Variants in SND1 observed in about 807,000 individuals in gnomAD.
SND1 encodes the protein staphylococcal nuclease domain-containing protein 1.
In SND1, 38 loss-of-function variants were observed where a neutral mutation model predicts 121.7. That is an observed-to-expected ratio of 0.31 (90% confidence interval 0.24 to 0.41). The LOEUF (loss-of-function observed/expected upper bound fraction) is 0.41. Ranked by LOEUF, SND1 falls within the 10% of genes least tolerant of loss-of-function variation. SND1 has a pLI of 1.00. For missense variants in SND1, 868 were observed against 1,184.6 expected (o/e 0.73, Z 3.92); for synonymous variants, 401 against 447.4 (o/e 0.90, Z 1.31).
intron 16 of SND1, among the ~76,000 whole-genome samples, chr7:128,060,968 G>A (rs1793221267): frequency 6.6e-6 from 1 of 152,190 alleles, no homozygotes; most frequent in African/African-American, 2.4e-5. Context: ...GGAAAGCAGT[G>A]CATGTATCAG....
chr7:127,745,612 G>A (rs1199602739), intron 10 of SND1, among the ~76,000 whole-genome samples: 1 of 152,180 alleles, frequency 6.6e-6, no homozygotes. Flanking sequence ...GAGACACCTT[G>A]TTAGCACCAG....
chr7:127,707,048 T>C (rs1042267757), intron 8 of SND1, among the ~76,000 whole-genome samples: 1 of 152,252 alleles, frequency 6.6e-6, no homozygotes, highest in Non-Finnish European at 1.5e-5. Flanking sequence ...AATTTCTGGC[T>C]ACATAGGTTT....
chr7:127,690,268 A>C (rs1795890855), intron 2 of SND1, among the ~76,000 whole-genome samples: 1 of 152,198 alleles, frequency 6.6e-6, no homozygotes. Context: ...TAAATGCCTT[A>C]GCCTGGGTTA....
chr7:127,755,727 C>T (rs1410348695), intron 10 of SND1, among the ~76,000 whole-genome samples: 4 of 152,192 alleles, frequency 2.6e-5, no homozygotes, highest in African/African-American at 9.7e-5. Flanking sequence ...CGGAAGCTGC[C>T]GGTTTCAGAC....
intron 16 of SND1, among the ~76,000 whole-genome samples, chr7:128,008,926 A>G (rs1370567913): frequency 6.6e-6 from 1 of 152,184 alleles, no homozygotes; most frequent in African/African-American, 2.4e-5. Flanking sequence ...TGAGGGCTAT[A>G]TTTAGTCCTG....
chr7:127,690,493 A>C (rs1795894312), intron 2 of SND1, among the ~76,000 whole-genome samples: 1 of 152,122 alleles, frequency 6.6e-6, no homozygotes, highest in Non-Finnish European at 1.5e-5. Flanking sequence ...TTAAGAAATC[A>C]CACCTGACAT....
chr7:127,935,380 A>G (rs1316786020), intron 15 of SND1, among the ~76,000 whole-genome samples: 1 of 152,242 alleles, frequency 6.6e-6, no homozygotes, highest in African/African-American at 2.4e-5. Context: ...TATTGTTTTC[A>G]TAATATAAAT....
intron 13 of SND1, among the ~76,000 whole-genome samples, chr7:127,890,810 A>G (rs921448193): frequency 1.3e-5 from 2 of 152,182 alleles, no homozygotes; most frequent in Admixed American, 1.3e-4. Context: ...TGCAGAAGTA[A>G]TGTAACAAGA....
chr7:127,867,326 A>C (rs1194787654), intron 12 of SND1, among the ~76,000 whole-genome samples: 1 of 152,068 alleles, frequency 6.6e-6, no homozygotes, highest in Non-Finnish European at 1.5e-5. Context: ...TTCCTTCTAC[A>C]ACTCTGATAA....
rs921515002 is a variant in SND1 at position 127,749,148 on chromosome 7, G to A, written c.1152+27748G>A. Among the ~76,000 whole-genome samples the A allele has an allele frequency of 4.1e-5, 6 of 147,304 alleles. No individual in the cohort carries two copies. In the South Asian group the frequency reaches 1.1e-3, roughly 26 times the overall value. On this transcript the variant is annotated intron_variant, in intron 10 of 23. Transcript: ENST00000354725. ...TCCCAGGCCCAGGTGATCTTTCTGC[G>A]TCAGCCTCCCAACTAGCTGGGATTA...
At chr7:127,774,740 G>A (rs987280699) in intron 10 of SND1, among the ~76,000 whole-genome samples, 1 of 151,878 alleles carries the variant, frequency 6.6e-6, no homozygotes, top group Non-Finnish European at 1.5e-5. Flanking sequence ...CACCATGCCC[G>A]GCTAATTTTT....
At chr7:128,083,874 A>C (rs553923762) in intron 18 of SND1, among the ~76,000 whole-genome samples, 3 of 152,280 alleles carry the variant, frequency 2.0e-5, no homozygotes, top group South Asian at 4.1e-4. Flanking sequence ...GGGTGGGAGA[A>C]TTCTACAAGG....
chr7:127,660,325 G>A (rs1431039130), intron 1 of SND1, among the ~76,000 whole-genome samples: 1 of 152,142 alleles, frequency 6.6e-6, no homozygotes, highest in East Asian at 1.9e-4. Flanking sequence ...GGAGAGAGGA[G>A]GCAACTTAGG....
At chr7:127,949,299 A>G (rs1044109544) in intron 15 of SND1, 3 of 152,234 alleles carry the variant, frequency 2.0e-5, no homozygotes, top group African/African-American at 7.2e-5. Context: ...CCTTAAGAAA[A>G]AAGTAAAATA....
intron 9 of SND1, among the ~76,000 whole-genome samples, chr7:127,710,590 A>C (rs1028451488): frequency 2.0e-5 from 3 of 152,310 alleles, no homozygotes; most frequent in Non-Finnish European, 4.4e-5. Flanking sequence ...TTAAGTTTGC[A>C]CATTTTTATT....
At chr7:127,775,983 T>C (rs77525427) in intron 10 of SND1, among the ~76,000 whole-genome samples, 2,689 of 152,324 alleles carry the variant, frequency 0.018, 51 homozygotes, top group Middle Eastern at 0.034. Flanking sequence ...CCCAGATCTT[T>C]CACACATCAT....
rs3757784 is a variant in SND1, at chr7:127,728,540, C to T, written c.1152+7140C>T. Among the ~76,000 whole-genome samples the T allele has an allele frequency of 2.2e-4, 33 of 152,288 alleles. No homozygotes were observed. The East Asian group carries it at 4.6e-3, about 21-fold the overall frequency. ...TCCTTGACCTAGTTCTTGAAGGCCC[C>T]TTTAGGCCAGAGACTTCCATACACA... On this transcript the variant is annotated intron_variant, in intron 10 of 23. Transcript: ENST00000354725.
chr7:127,704,709 TG>T (rs1381941155), intron 7 of SND1, 129 bp from the exon 8 acceptor site: 1 of 760,400 alleles, frequency 1.3e-6, no homozygotes, highest in African/African-American at 1.7e-5. Flanking sequence ...GCTACTCTAC[TG>T]TAAACAAACA....
At chr7:128,012,910 C>A (rs1269372553) in intron 16 of SND1, among the ~76,000 whole-genome samples, 2 of 152,206 alleles carry the variant, frequency 1.3e-5, no homozygotes, top group Non-Finnish European at 2.9e-5. Context: ...CTGCCCAGGT[C>A]ACTCAGCCAG....
Sources: allele counts gnomAD v4.1 joint callset (sites outside exome capture counted in the v4.1 genomes callset), GRCh38; gene constraint gnomAD v4.1.1; transcripts MANE v1.5; gene names NCBI Gene and HGNC (gene_info 2026-07-23, HGNC 2026-07-21).